Variants in MGAT4C observed in about 807,000 individuals in gnomAD.
The protein encoded by MGAT4C is alpha-1,3-mannosyl-glycoprotein 4-beta-N-acetylglucosaminyltransferase C.
MGAT4C carries 19 observed loss-of-function variants against 40.1 expected under a neutral mutation model. The observed-to-expected ratio is 0.47, with a 90% CI of 0.33 to 0.70. The LOEUF is 0.70. Ranked by LOEUF, MGAT4C falls within the 30% of genes least tolerant of loss-of-function variation. The pLI is 0.02. For synonymous variants in MGAT4C, 181 were observed against 187.1 expected (o/e 0.97, Z 0.27); for missense variants, 491 against 563.2 (o/e 0.87, Z 1.30).
chr12:86,655,315 C>G (rs1445879973), intron 2 of MGAT4C, among the ~76,000 whole-genome samples: 2 of 151,998 alleles, frequency 1.3e-5, no homozygotes, highest in Admixed American at 6.6e-5. Flanking sequence ...TTCCCTGTTC[C>G]CCTTCAACTC....
intron 2 of MGAT4C, among the ~76,000 whole-genome samples, chr12:86,665,671 G>A (rs558171020): frequency 4.6e-5 from 7 of 151,974 alleles, no homozygotes; most frequent in African/African-American, 1.4e-4. Flanking sequence ...GCTCCCAGCC[G>A]GAAAAGTTAT....
At chr12:86,058,659 G>A (rs1042006179) in intron 1 of MGAT4C, among the ~76,000 whole-genome samples, 1 of 151,992 alleles carries the variant, frequency 6.6e-6, no homozygotes, top group African/African-American at 2.4e-5. Flanking sequence ...ATGTCTTCTA[G>A]GTTTGAAATG....
At chr12:86,154,262 C>T (rs1212022155) in intron 1 of MGAT4C, among the ~76,000 whole-genome samples, 3 of 152,172 alleles carry the variant, frequency 2.0e-5, no homozygotes, top group Admixed American at 6.5e-5. Flanking sequence ...GGGAATTCAA[C>T]ATCCTGAGGT....
In MGAT4C at chr12:86,389,446, G is replaced by A. The variant is rs956033157; in HGVS notation, c.-120+45711C>T. ...CATTTTCTTTATTCATTCTAACATTGATGGGGTATTTAGGTTGATTCCATG... is the reference window on the plus strand; with the variant it reads ...CATTTTCTTTATTCATTCTAACATTAATGGGGTATTTAGGTTGATTCCATG... On this transcript the variant is annotated intron_variant, in intron 3 of 7. Coordinates refer to the MGAT4C transcript ENST00000548651. Among the ~76,000 whole-genome samples, 99 of 152,066 alleles carry A rather than the reference G, an allele frequency of 6.5e-4. 1 individual carries two copies. Among genetic ancestry groups the A allele is most frequent in the African/African-American group, 2.1e-3 (85 of 41,410 alleles).
At chr12:86,078,143 C>T (rs1164655073) in intron 1 of MGAT4C, among the ~76,000 whole-genome samples, 1 of 152,102 alleles carries the variant, frequency 6.6e-6, no homozygotes, top group Non-Finnish European at 1.5e-5. Flanking sequence ...TAAATCATGG[C>T]TATGGGAGAA....
At chr12:86,676,553 C>T (rs1025758265) in intron 2 of MGAT4C, among the ~76,000 whole-genome samples, 2 of 152,070 alleles carry the variant, frequency 1.3e-5, no homozygotes, top group African/African-American at 4.8e-5. Context: ...AATACTGATG[C>T]TATATCTTGT....
rs895078268 is a variant in MGAT4C at position 86,509,784 on chromosome 12, G to A, written c.-228-74519C>T. 2.8e-4 allele frequency among the ~76,000 whole-genome samples: 42 copies of A among 152,232 alleles called. 1 individual carries two copies. Among genetic ancestry groups the A allele is most frequent in the African/African-American group, 1.0e-3 (42 of 41,558 alleles). On this transcript the variant is annotated intron_variant, in intron 2 of 7. Coordinates refer to the MGAT4C transcript ENST00000548651. ...CTTGAAGAGGTCCTTCACATCCCTTGTAAGTTGGATTCCTAGGTATTTTAT... is the reference window on the plus strand; with the variant it reads ...CTTGAAGAGGTCCTTCACATCCCTTATAAGTTGGATTCCTAGGTATTTTAT...
At chr12:86,066,864 G>GA (rs139402773) in intron 1 of MGAT4C, among the ~76,000 whole-genome samples, 1 of 151,028 alleles carries the variant, frequency 6.6e-6, no homozygotes, top group African/African-American at 2.4e-5. Context: ...AAATTTACAA[G>GA]AAAAAAAACC....
intron 1 of MGAT4C, among the ~76,000 whole-genome samples, chr12:86,053,094 A>G (rs1229967335): frequency 6.6e-6 from 1 of 151,918 alleles, no homozygotes; most frequent in Non-Finnish European, 1.5e-5. Flanking sequence ...TTCCTTGCCA[A>G]TATACCTCAG....
intron 2 of MGAT4C, among the ~76,000 whole-genome samples, chr12:86,487,266 T>C (rs893420647): frequency 6.6e-6 from 1 of 152,148 alleles, no homozygotes; most frequent in African/African-American, 2.4e-5. Flanking sequence ...GATACTGATA[T>C]ATAATGCCTT....
At chr12:86,810,480 T>C (rs1952451717) in intron 1 of MGAT4C, among the ~76,000 whole-genome samples, 1 of 151,970 alleles carries the variant, frequency 6.6e-6, no homozygotes, top group Non-Finnish European at 1.5e-5. Flanking sequence ...TAGGGTGATG[T>C]TATTTTTCAA....
At chr12:86,089,472 T>C (rs1022896544) in intron 1 of MGAT4C, among the ~76,000 whole-genome samples, 3 of 151,856 alleles carry the variant, frequency 2.0e-5, no homozygotes, top group Non-Finnish European at 4.4e-5. Context: ...ATTGTTCATG[T>C]CTTTCTCCTC....
chr12:86,028,499 T>C (rs939808684), intron 2 of MGAT4C, among the ~76,000 whole-genome samples: 1 of 151,902 alleles, frequency 6.6e-6, no homozygotes. Context: ...AACTTTTTTT[T>C]CCCCAGATAA....
At chr12:86,148,010 G>C (rs1318992879) in intron 1 of MGAT4C, among the ~76,000 whole-genome samples, 1 of 152,002 alleles carries the variant, frequency 6.6e-6, no homozygotes, top group Non-Finnish European at 1.5e-5. Flanking sequence ...ACGAAGAAGA[G>C]AGAAAAATTT....
chr12:86,244,885 A>C (rs868022440), intron 1 of MGAT4C, among the ~76,000 whole-genome samples: 1 of 152,166 alleles, frequency 6.6e-6, no homozygotes, highest in Non-Finnish European at 1.5e-5. Flanking sequence ...GTGAGTAATA[A>C]TAATTATAAG....
At chr12:86,401,973 T>C (rs1592795328) in intron 3 of MGAT4C, among the ~76,000 whole-genome samples, 1 of 152,104 alleles carries the variant, frequency 6.6e-6, no homozygotes, top group Non-Finnish European at 1.5e-5. Flanking sequence ...GCTGACTTCT[T>C]GAAAATATCA....
At chr12:86,118,588 C>T (rs947353582) in intron 1 of MGAT4C, among the ~76,000 whole-genome samples, 4 of 152,056 alleles carry the variant, frequency 2.6e-5, no homozygotes, top group East Asian at 1.9e-4. Flanking sequence ...GGTTTCTTCT[C>T]GTCAAGCCAA....
In MGAT4C at chr12:86,105,154, C is replaced by A. The variant is rs571538642; in HGVS notation, c.-56-55431G>T. Among the ~76,000 whole-genome samples, 104 of 152,126 alleles carry A rather than the reference C, an allele frequency of 6.8e-4. 2 individuals are homozygous for A. The South Asian group carries it at 0.021, about 31-fold the overall frequency. On this transcript the variant is annotated intron_variant, in intron 1 of 4. Coordinates refer to ENST00000611864, the MANE Select transcript of MGAT4C (RefSeq NM_001351288.2). ...ATTACATCATCCACATTTTTTGCAA[C>A]GATTTCATCTTGGACTTAAGAATAC...
At chr12:86,794,815 T>C (rs1485107793) in intron 1 of MGAT4C, among the ~76,000 whole-genome samples, 1 of 151,810 alleles carries the variant, frequency 6.6e-6, no homozygotes, top group African/African-American at 2.4e-5. Context: ...GACTTATTGA[T>C]ATAATAAAAT....
Sources: allele counts gnomAD v4.1 joint callset (sites outside exome capture counted in the v4.1 genomes callset), GRCh38; gene constraint gnomAD v4.1.1; transcripts MANE v1.5; gene names NCBI Gene and HGNC (gene_info 2026-07-23, HGNC 2026-07-21).